DCUN1D1: variants seen among roughly 807,000 people sequenced by gnomAD.
The protein encoded by DCUN1D1 is defective in cullin neddylation 1 domain containing 1, also known as DCN1-like protein 1.
DCUN1D1 carries 3 observed loss-of-function variants against 39.0 expected under a neutral mutation model. The observed-to-expected ratio is 0.08, with a 90% CI of 0.04 to 0.20. DCUN1D1 has a LOEUF of 0.20. Among genes scored for constraint, DCUN1D1 ranks in the 10% least tolerant of loss-of-function variants. The pLI, the probability that DCUN1D1 is intolerant of heterozygous loss-of-function variation, is 1.00. For missense variants in DCUN1D1, 158 were observed against 302.4 expected (o/e 0.52, Z 3.54); for synonymous variants, 82 against 96.3 (o/e 0.85, Z 0.87).
chr3:182,953,467 T>C (rs1726859460), intron 4 of DCUN1D1, among the ~76,000 whole-genome samples: 1 of 152,196 alleles, frequency 6.6e-6, no homozygotes, highest in South Asian at 2.1e-4. Flanking sequence ...CTTAAACCCC[T>C]ACTCTACCAC....
chr3:182,964,799 C>T (rs2108377776), intron 2 of DCUN1D1, among the ~76,000 whole-genome samples: 1 of 152,108 alleles, frequency 6.6e-6, no homozygotes, highest in Non-Finnish European at 1.5e-5. Context: ...CGCCACCACG[C>T]CCAGCTAATT....
At chr3:182,950,546 C>G (rs994109150) in intron 4 of DCUN1D1, among the ~76,000 whole-genome samples, 1 of 152,066 alleles carries the variant, frequency 6.6e-6, no homozygotes, top group South Asian at 2.1e-4. Flanking sequence ...GAGACACGGT[C>G]TCACTCTGTA....
chr3:182,945,295 C>G, intron 6 of DCUN1D1, 122 bp from the exon 7 acceptor site: 1 of 698,466 alleles, frequency 1.4e-6, no homozygotes, highest in Non-Finnish European at 2.3e-6. Context: ...TCATTCTTAT[C>G]TATTCCCACT....
At chr3:182,964,133 AT>A in intron 2 of DCUN1D1, 84 bp from the exon 3 acceptor site, 3 of 1,136,398 alleles carry the variant, frequency 2.6e-6, no homozygotes, top group Non-Finnish European at 1.3e-6. Flanking sequence ...TTTATATGCC[AT>A]TTTTTAAATG....
chr3:182,983,058 G>A (rs573038712), upstream of DCUN1D1, among the ~76,000 whole-genome samples: 58 of 152,204 alleles, frequency 3.8e-4, no homozygotes, highest in Admixed American at 4.6e-4. Context: ...GAATTTGTCC[G>A]TAAAATTCTC....
intron 4 of DCUN1D1, among the ~76,000 whole-genome samples, chr3:182,960,412 G>A (rs1428943269): frequency 6.6e-6 from 1 of 152,096 alleles, no homozygotes; most frequent in African/African-American, 2.4e-5. Context: ...CTTCTCTCCT[G>A]CACAAAGCCA....
At position 182,944,959 on chromosome 3, in the gene DCUN1D1, A is replaced by C; in HGVS notation, c.*135T>G. ...ACGATATGGTCCAAGATGTATCCTTAAAGTTTTGTCTCAACCCTCAGTCTG... is the reference window on the plus strand; with the variant it reads ...ACGATATGGTCCAAGATGTATCCTTCAAGTTTTGTCTCAACCCTCAGTCTG... On this transcript the variant is annotated 3_prime_UTR_variant, in exon 7 of 7. Transcript: ENST00000292782. 1 of 713,574 alleles carries C rather than the reference A, an allele frequency of 1.4e-6. No individual in the cohort carries two copies. The highest frequency in any genetic ancestry group is 2.4e-6 in the Non-Finnish European group (1 of 424,850). The allele number at this position is 713,574 out of a possible 1,614,324, so 44.2% of individuals were successfully genotyped here.
At chr3:182,975,466 G>A (rs1002796754) in intron 1 of DCUN1D1, among the ~76,000 whole-genome samples, 17 of 151,830 alleles carry the variant, frequency 1.1e-4, no homozygotes, top group East Asian at 1.9e-4. Flanking sequence ...GTGAGCCACC[G>A]CGCCCAGCCA....
In DCUN1D1 at chr3:182,940,359, A is replaced by C. The variant is rs1560154699; in HGVS notation, c.*4735T>G. ...TTTGTTTGCTCATTAAGCCACTTAC[A>C]TGCTGCCCCTAAGTTTCAAACACTT... On this transcript the variant is annotated 3_prime_UTR_variant, in exon 7 of 7. Coordinates refer to ENST00000292782, the MANE Select transcript of DCUN1D1 (RefSeq NM_020640.4). The C allele has an allele frequency of 1.3e-5, 2 of 152,196 alleles. No homozygotes were observed. Among genetic ancestry groups the C allele is most frequent in the South Asian group, 2.1e-4 (1 of 4,834 alleles). The allele number at this position is 152,196 out of a possible 1,614,324, so 9.4% of individuals were successfully genotyped here.
At position 182,945,145 on chromosome 3, in the gene DCUN1D1, A is replaced by G. The variant is rs748173202; in HGVS notation, c.729T>C (p.Phe243=). The G allele has an allele frequency of 7.4e-6, 12 of 1,613,400 alleles. No homozygotes were observed. The highest frequency in any genetic ancestry group is 2.2e-5 in the South Asian group (2 of 90,946). The change falls in exon 7 of 7, where the codon TTT becomes TTC. Residue 243 remains phenylalanine, a synonymous_variant. Coordinates refer to ENST00000292782, the MANE Select transcript of DCUN1D1 (RefSeq NM_020640.4). ...EGAWPVLIDD[F]VEFARPQIAG... Reference sequence around the variant, plus strand: ...CAATTTGAGGGCGTGCAAATTCCACAAAGTCATCAATAAGAACAGGCCATG... The same window carrying G: ...CAATTTGAGGGCGTGCAAATTCCACGAAGTCATCAATAAGAACAGGCCATG...
chr3:182,958,615 G>A (rs930506959), intron 4 of DCUN1D1, among the ~76,000 whole-genome samples: 4 of 152,032 alleles, frequency 2.6e-5, no homozygotes, highest in African/African-American at 7.2e-5. Flanking sequence ...CTGTGCCATC[G>A]ATCTTCAGAA....
intron 4 of DCUN1D1, among the ~76,000 whole-genome samples, chr3:182,951,988 G>A (rs1191428334): frequency 2.0e-5 from 3 of 152,076 alleles, no homozygotes; most frequent in Non-Finnish European, 2.9e-5. Flanking sequence ...GAGCCACCAC[G>A]CACGTCCAAA....
At chr3:182,946,826 A>G (rs908795301) in intron 6 of DCUN1D1, among the ~76,000 whole-genome samples, 2 of 152,178 alleles carry the variant, frequency 1.3e-5, no homozygotes, top group Admixed American at 1.3e-4. Flanking sequence ...GCATTAAAAA[A>G]AGCTTGGAGC....
chr3:182,952,530 T>C (rs1726807655), intron 4 of DCUN1D1, among the ~76,000 whole-genome samples: 1 of 152,170 alleles, frequency 6.6e-6, no homozygotes, highest in Admixed American at 6.5e-5. Context: ...GGGCTCAAAC[T>C]GAACTCTATC....
chr3:182,945,351 ATATTCCTTG>A (rs1726339060), intron 6 of DCUN1D1, among the ~76,000 whole-genome samples, 178 bp from the exon 7 acceptor site: 1 of 152,164 alleles, frequency 6.6e-6, no homozygotes, highest in African/African-American at 2.4e-5. Context: ...TTTACCCCAA[ATATTCCTTG>A]TATTCCTTGT....
At chr3:182,952,643 C>T (rs1726815820) in intron 4 of DCUN1D1, among the ~76,000 whole-genome samples, 1 of 152,192 alleles carries the variant, frequency 6.6e-6, no homozygotes, top group East Asian at 1.9e-4. Context: ...CCACCCTGCA[C>T]CCCCTTCCCA....
At chr3:182,969,390 GAGA>G (rs1195983182) in intron 1 of DCUN1D1, among the ~76,000 whole-genome samples, 1 of 152,188 alleles carries the variant, frequency 6.6e-6, no homozygotes, top group Non-Finnish European at 1.5e-5. Context: ...TGACTAACCA[GAGA>G]AGAATGATTT....
intron 1 of DCUN1D1, among the ~76,000 whole-genome samples, chr3:182,974,190 T>A (rs1369008383): frequency 1.3e-5 from 2 of 152,120 alleles, no homozygotes; most frequent in Non-Finnish European, 2.9e-5. Context: ...AGGCAGAGGT[T>A]GCAGTGAGCC....
intron 1 of DCUN1D1, among the ~76,000 whole-genome samples, chr3:182,967,951 A>G (rs1225494663): frequency 2.0e-5 from 3 of 152,174 alleles, no homozygotes; most frequent in African/African-American, 7.2e-5. Context: ...TCCTCCTCTG[A>G]GGAACAAAGT....
Sources: allele counts gnomAD v4.1 joint callset (sites outside exome capture counted in the v4.1 genomes callset), GRCh38; gene constraint gnomAD v4.1.1; transcripts MANE v1.5; gene names NCBI Gene and HGNC (gene_info 2026-07-23, HGNC 2026-07-21).